AK9: variants seen among roughly 807,000 people sequenced by gnomAD.
The protein encoded by AK9 is adenylate kinase 9, also known as adenylate kinase domain containing 1.
A neutral mutation model predicts 239.6 loss-of-function variants in AK9; 191 were observed. The ratio of observed to expected loss-of-function variants is 0.80; its 90% CI spans 0.71 to 0.90. The LOEUF (loss-of-function observed/expected upper bound fraction) is 0.90. Among genes scored for constraint, AK9 ranks in the 40% least tolerant of loss-of-function variants. The probability of loss-of-function intolerance (pLI) is 0.00; values close to 1 mark genes in which losing one functional copy is unlikely to be tolerated. For missense variants in AK9, 1,995 were observed against 2,214.7 expected (o/e 0.90, Z 1.99); for synonymous variants, 689 against 721.0 (o/e 0.96, Z 0.71).
intron 13 of AK9, among the ~76,000 whole-genome samples, chr6:109,618,467 T>C (rs540377893): frequency 8.1e-5 from 12 of 149,046 alleles, no homozygotes; most frequent in Middle Eastern, 7.1e-3. Flanking sequence ...TATTCTGCAA[T>C]GTGATCAACA....
At chr6:109,656,700 C>G in intron 8 of AK9, 56 bp downstream of exon 8, 1 of 1,498,888 alleles carries the variant, frequency 6.7e-7, no homozygotes, top group Non-Finnish European at 9.1e-7. Context: ...AGCTACTTAA[C>G]CAGTGATGAA....
At chr6:109,604,864 A>G (rs957919157) in intron 17 of AK9, among the ~76,000 whole-genome samples, 4 of 152,224 alleles carry the variant, frequency 2.6e-5, no homozygotes, top group Admixed American at 2.0e-4. Flanking sequence ...TCACATTAAA[A>G]GTTTAATAAT....
intron 5 of AK9, among the ~76,000 whole-genome samples, chr6:109,665,320 G>A (rs976220138): frequency 6.6e-6 from 1 of 152,150 alleles, no homozygotes; most frequent in African/African-American, 2.4e-5. Flanking sequence ...ACATGCTCCT[G>A]CTATTGTCTT....
chr6:109,581,826 G>A (rs2208210), intron 19 of AK9, among the ~76,000 whole-genome samples: 84,168 of 152,046 alleles, frequency 0.55, 24,880 homozygotes, highest in South Asian at 0.78. Context: ...ATGCCATCTA[G>A]GACTTTCAGA....
chr6:109,501,257 T>A (rs1777578420), intron 35 of AK9, among the ~76,000 whole-genome samples: 1 of 152,204 alleles, frequency 6.6e-6, no homozygotes, highest in Admixed American at 6.5e-5. Context: ...AGAGGTGTCA[T>A]GTCACTTGAT....
At chr6:109,595,482 C>G (rs1790897095) in intron 17 of AK9, among the ~76,000 whole-genome samples, 1 of 152,044 alleles carries the variant, frequency 6.6e-6, no homozygotes, top group South Asian at 2.1e-4. Context: ...ACCATTTGAC[C>G]CAGCAATCCC....
chr6:109,623,674 T>A (rs1385700544), intron 12 of AK9, among the ~76,000 whole-genome samples: 1 of 152,158 alleles, frequency 6.6e-6, no homozygotes, highest in Non-Finnish European at 1.5e-5. Context: ...GGTAATTTTT[T>A]ATGCAGTAAT....
intron 16 of AK9, among the ~76,000 whole-genome samples, chr6:109,610,745 A>C (rs1234112814): frequency 6.6e-6 from 1 of 152,206 alleles, no homozygotes; most frequent in African/African-American, 2.4e-5. Flanking sequence ...GCAGAATGAA[A>C]GTGAAAGAGG....
At chr6:109,663,323 C>G (rs931122419) in intron 5 of AK9, among the ~76,000 whole-genome samples, 2 of 152,120 alleles carry the variant, frequency 1.3e-5, no homozygotes, top group Non-Finnish European at 2.9e-5. Context: ...AATAAAGTCT[C>G]AATTCCTTCA....
chr6:109,670,589 C>T (rs1770708054), intron 5 of AK9, among the ~76,000 whole-genome samples: 1 of 152,054 alleles, frequency 6.6e-6, no homozygotes, highest in Non-Finnish European at 1.5e-5. Context: ...TGAGTTTCTT[C>T]GTGTTGTTTT....
intron 27 of AK9, among the ~76,000 whole-genome samples, chr6:109,534,252 T>A (rs6916239): frequency 0.58 from 86,646 of 149,096 alleles, 26,847 homozygotes; most frequent in East Asian, 0.84. Context: ...AGAATCAGGA[T>A]AATAACTGGA....
chr6:109,514,570 T>C, intron 31 of AK9, 133 bp from the exon 32 acceptor site: 1 of 771,518 alleles, frequency 1.3e-6, no homozygotes, highest in Non-Finnish European at 2.0e-6. Flanking sequence ...CTAATTATAA[T>C]CAAAGGTTAA....
chr6:109,659,310 T>C lies in AK9; in HGVS notation c.548A>G (p.Asn183Ser), dbSNP rs746415310. ...GGCTTCTTTCTTCTTTTTCCTATGA[T>C]TCTCAATGACTTCAGGATCCCACTG... The part of the protein sequence containing the change: ...RDQWDPEVIE[N>S]HRKKKKEAQK... The change falls in exon 7 of 41, where the codon AAT becomes AGT. Residue 183 changes from asparagine to serine, a missense_variant. Around this residue, in one of 5 missense-constraint regions of AK9, gnomAD observed 252 missense variants for 246.4 expected, o/e 1.02. Coordinates refer to ENST00000424296, the MANE Select transcript of AK9 (RefSeq NM_001145128.3). 6 of 1,608,040 alleles carry C rather than the reference T, an allele frequency of 3.7e-6. No homozygotes were observed. The South Asian group carries it at 5.6e-5, about 15-fold the overall frequency.
intron 36 of AK9, 141 bp from the exon 37 acceptor site, chr6:109,498,106 T>C: frequency 1.3e-6 from 1 of 748,958 alleles, no homozygotes; most frequent in Non-Finnish European, 2.1e-6. Context: ...TAACCTCTCC[T>C]CTGAAAGGAA....
In AK9 at chr6:109,639,632, G is replaced by T. The variant is rs546368720; in HGVS notation, c.933+1886C>A. On this transcript the variant is annotated intron_variant, in intron 10 of 40. Transcript: ENST00000424296. ...ACTCTGATGGTAGTTTCTTTTGCTG[G>T]GCAGAAGCTCTTTAGTTTAATTAGA... is the stretch of plus-strand genomic sequence containing the variant. Among the ~76,000 whole-genome samples, 61 of 150,566 alleles carry T rather than the reference G, an allele frequency of 4.1e-4. No individual in the cohort carries two copies. In the East Asian group the frequency reaches 6.0e-3, roughly 15 times the overall value.
In AK9 at chr6:109,610,398, T is replaced by C. The variant is rs992492448; in HGVS notation, c.1809A>G (p.Lys603=). ...QDINFEQPYE[K]HAEILQEVLG... is the part of the protein sequence containing the mutation. Reference sequence around the variant, plus strand: ...GGACTTCCTGTAAGATTTCAGCATGTTTTTCATATGGCTGTTCAAAGTTTA... The same window carrying C: ...GGACTTCCTGTAAGATTTCAGCATGCTTTTCATATGGCTGTTCAAAGTTTA... Residue 603 remains lysine (K), a synonymous_variant, in exon 17 of 41, where the codon AAA becomes AAG. Transcript: ENST00000424296. 2 of 1,551,690 alleles carry C rather than the reference T, an allele frequency of 1.3e-6. No homozygotes were observed. The highest frequency in any genetic ancestry group is 2.0e-5 in the Admixed American group (1 of 51,000).
At chr6:109,516,368 T>C in intron 30 of AK9, 62 bp downstream of exon 30, 1 of 1,369,648 alleles carries the variant, frequency 7.3e-7, no homozygotes, top group Non-Finnish European at 1.0e-6. Flanking sequence ...TGAACTAAAT[T>C]GCTTTAGTCT....
intron 28 of AK9, among the ~76,000 whole-genome samples, chr6:109,529,614 C>T (rs1780971585): frequency 6.6e-6 from 1 of 152,144 alleles, no homozygotes; most frequent in African/African-American, 2.4e-5. Flanking sequence ...AATTTTACAA[C>T]TCACCATAAT....
intron 21 of AK9, among the ~76,000 whole-genome samples, chr6:109,569,393 C>T (rs1162059583): frequency 2.0e-5 from 3 of 152,094 alleles, no homozygotes; most frequent in Admixed American, 2.0e-4. Context: ...GACTAAAATA[C>T]CAAAAGCAAT....
Sources: gnomAD v4.1 joint callset for allele counts (sites outside exome capture counted in the v4.1 genomes callset) on GRCh38, gnomAD v4.1.1 for gene constraint, gnomAD v4.1.1 regional missense constraint, MANE v1.5 for transcripts, NCBI Gene and HGNC (gene_info 2026-07-23, HGNC 2026-07-21) for gene names.